BTAF1: variants seen among roughly 807,000 people sequenced by gnomAD.
The protein encoded by BTAF1 is B-TFIID TATA-box binding protein associated factor 1.
In BTAF1, 38 loss-of-function variants were observed where a neutral mutation model predicts 227.1. That is an observed-to-expected ratio of 0.17 (90% CI 0.13 to 0.22). The LOEUF is 0.22. Among genes scored for constraint, BTAF1 ranks in the 10% least tolerant of loss-of-function variants. The pLI is 1.00. For synonymous variants in BTAF1, 742 were observed against 751.9 expected (o/e 0.99, Z 0.21); for missense variants, 1,598 against 2,204.0 (o/e 0.73, Z 5.51).
chr10:92,021,185 A>G (rs1851095297), intron 34 of BTAF1, among the ~76,000 whole-genome samples: 1 of 152,226 alleles, frequency 6.6e-6, no homozygotes, highest in South Asian at 2.1e-4. Flanking sequence ...AAACATGTTT[A>G]TCAGCAAGTA....
At position 91,997,265 on chromosome 10, in the gene BTAF1, A is replaced by C. The variant is rs999164320; in HGVS notation, c.3512-338A>C. ...CACTCAGTTATATTCCTTTACTTAC[A>C]ATGTGACTTATTTTATTTTGACATT... On this transcript the variant is annotated intron_variant, in intron 24 of 37. Transcript: ENST00000265990. 18 of 735,858 alleles carry C rather than the reference A, an allele frequency of 2.4e-5. No homozygotes were observed. The Admixed American group carries it at 2.5e-4, about 10-fold the overall frequency. 45.6% of individuals were successfully genotyped at this position (735,858 alleles called of 1,614,324 possible).
At position 92,028,773 on chromosome 10, in the gene BTAF1, T is replaced by G. The variant is rs773496295; in HGVS notation, c.5407-17T>G. 3 of 1,573,966 alleles carry G rather than the reference T, an allele frequency of 1.9e-6. No individual in the cohort carries two copies. The highest frequency in any genetic ancestry group is 1.7e-6 in the Non-Finnish European group (2 of 1,167,890). ...CCTCTCATTTTATTTTTTTTTTTTT[T>G]GCCAATTTTTCTTAAGGATGGCAAA... is the stretch of plus-strand genomic sequence containing the variant. On this transcript the variant is annotated splice_polypyrimidine_tract_variant and intron_variant, in intron 37 of 37. Coordinates refer to ENST00000265990, the MANE Select transcript of BTAF1 (RefSeq NM_003972.3).
intron 11 of BTAF1, among the ~76,000 whole-genome samples, chr10:91,961,686 A>G (rs1846529741): frequency 6.6e-6 from 1 of 152,190 alleles, no homozygotes; most frequent in African/African-American, 2.4e-5. Flanking sequence ...TGGAAATGGA[A>G]AGCACCTTAT....
In BTAF1 at chr10:91,985,806, GGTT is replaced by G. The variant is rs374581430; in HGVS notation, c.2427+1406_2427+1408del. Among the ~76,000 whole-genome samples the G allele has an allele frequency of 3.0e-3, 460 of 152,186 alleles. 8 individuals carry two copies. Among genetic ancestry groups the G allele is most frequent in the African/African-American group, 0.011 (450 of 41,532 alleles). On this transcript the variant is annotated intron_variant, in intron 19 of 37. Transcript: ENST00000265990. ...TCAAAATCTTGTCTACTTTGAATTAGGTTGTTTGTTTGTTATTGAGTTGTGGGA... is the reference window on the plus strand; with the variant it reads ...TCAAAATCTTGTCTACTTTGAATTAGGTTTGTTTGTTATTGAGTTGTGGGA...
chr10:91,962,988 T>C (rs1330137969), intron 12 of BTAF1, among the ~76,000 whole-genome samples: 1 of 152,038 alleles, frequency 6.6e-6, no homozygotes, highest in East Asian at 1.9e-4. Flanking sequence ...TTTTAGTTTT[T>C]GGATTGTTTT....
chr10:91,954,996 A>G (rs1214737077), intron 6 of BTAF1, among the ~76,000 whole-genome samples: 3 of 152,244 alleles, frequency 2.0e-5, no homozygotes, highest in Non-Finnish European at 4.4e-5. Flanking sequence ...TTTTTGTTAT[A>G]TGTATTCACA....
intron 34 of BTAF1, among the ~76,000 whole-genome samples, chr10:92,019,539 T>C (rs1589987821): frequency 6.6e-6 from 1 of 152,212 alleles, no homozygotes; most frequent in Non-Finnish European, 1.5e-5. Flanking sequence ...GTGGAATAGG[T>C]AGGTCATACA....
intron 23 of BTAF1, among the ~76,000 whole-genome samples, chr10:91,995,447 T>C (rs1849068099): frequency 6.6e-6 from 1 of 151,524 alleles, no homozygotes; most frequent in Non-Finnish European, 1.5e-5. Context: ...GAGGCCGAGG[T>C]GGGTGAATCA....
chr10:92,026,430 C>T (rs1359590351), intron 35 of BTAF1, among the ~76,000 whole-genome samples, 162 bp from the exon 36 acceptor site: 3 of 152,122 alleles, frequency 2.0e-5, no homozygotes, highest in Non-Finnish European at 2.9e-5. Flanking sequence ...TTACTAAAAA[C>T]GTTATACATA....
chr10:91,997,940 T>G (rs1022285242), intron 25 of BTAF1, among the ~76,000 whole-genome samples, 189 bp downstream of exon 25: 13 of 151,356 alleles, frequency 8.6e-5, no homozygotes. Flanking sequence ...TGAAACCCTG[T>G]CTCTACTAAA....
At chr10:91,944,613 G>GT (rs1183807885) in intron 4 of BTAF1, among the ~76,000 whole-genome samples, 1 of 152,106 alleles carries the variant, frequency 6.6e-6, no homozygotes, top group Non-Finnish European at 1.5e-5. Flanking sequence ...CAATTCAGTG[G>GT]TTTTTAGTAT....
intron 1 of BTAF1, among the ~76,000 whole-genome samples, chr10:91,926,757 G>A (rs1008669687): frequency 4.6e-5 from 7 of 152,208 alleles, no homozygotes; most frequent in Non-Finnish European, 8.8e-5. Context: ...CAAGACAGGA[G>A]CCTCTCTCCT....
At chr10:91,955,532 T>C (rs1366247755) in intron 6 of BTAF1, among the ~76,000 whole-genome samples, 1 of 152,000 alleles carries the variant, frequency 6.6e-6, no homozygotes, top group East Asian at 1.9e-4. Flanking sequence ...ATTTTTGGGG[T>C]ATAGAGTTTG....
chr10:91,967,457 A>G (rs538812514), intron 14 of BTAF1, among the ~76,000 whole-genome samples: 1 of 152,356 alleles, frequency 6.6e-6, no homozygotes, highest in South Asian at 2.1e-4. Flanking sequence ...TAGGTACTAC[A>G]GTTTGGGCCA....
At chr10:92,027,677 T>G (rs2797642) in intron 37 of BTAF1, among the ~76,000 whole-genome samples, 149,967 of 152,232 alleles carry the variant, frequency 0.99, 73,908 homozygotes, top group Middle Eastern at 1. Flanking sequence ...ATGGTTGTGA[T>G]GTAAGATTAT....
chr10:91,993,057 C>T (rs1848908385), intron 21 of BTAF1, among the ~76,000 whole-genome samples: 1 of 152,158 alleles, frequency 6.6e-6, no homozygotes, highest in African/African-American at 2.4e-5. Context: ...TTAAAATCAA[C>T]AGCTTATCTA....
At chr10:91,931,698 C>T (rs1844285401) in intron 1 of BTAF1, among the ~76,000 whole-genome samples, 2 of 152,254 alleles carry the variant, frequency 1.3e-5, no homozygotes, top group South Asian at 2.1e-4. Flanking sequence ...CCTTTTCCAC[C>T]GTGGCCTGGC....
rs961855374 is a variant in BTAF1, at chr10:92,030,526, T to C, written c.*1593T>C. Reference sequence around the variant, plus strand: ...ACCAGCTCTTTAACATAGCTTATAGTAATTGATATTTTCTTAGAATAAGTA... The same window carrying C: ...ACCAGCTCTTTAACATAGCTTATAGCAATTGATATTTTCTTAGAATAAGTA... On this transcript the variant is annotated 3_prime_UTR_variant, in exon 38 of 38. Coordinates refer to ENST00000265990, the MANE Select transcript of BTAF1 (RefSeq NM_003972.3). 6.6e-6 allele frequency among the ~76,000 whole-genome samples: 1 copy of C among 152,176 alleles called. No homozygotes were observed. The highest frequency in any genetic ancestry group is 2.4e-5 in the African/African-American group (1 of 41,458).
At chr10:91,941,884 G>A (rs1234947497) in intron 3 of BTAF1, among the ~76,000 whole-genome samples, 1 of 152,166 alleles carries the variant, frequency 6.6e-6, no homozygotes, top group East Asian at 1.9e-4. Context: ...ACATCTGATG[G>A]TCTGTGGAAA....
Sources: allele counts gnomAD v4.1 joint callset (sites outside exome capture counted in the v4.1 genomes callset), GRCh38; gene constraint gnomAD v4.1.1; transcripts MANE v1.5; gene names NCBI Gene and HGNC (gene_info 2026-07-23, HGNC 2026-07-21).